The following MTUS2 variants were observed in gnomAD, a reference collection of about 807,000 sequenced individuals.
MTUS2 encodes microtubule-associated tumor suppressor candidate 2.
A neutral mutation model predicts 114.1 loss-of-function variants in MTUS2; 40 were observed. That is an observed-to-expected ratio of 0.35 (90% confidence interval 0.27 to 0.46). MTUS2 has a LOEUF of 0.46. Ranked by LOEUF, MTUS2 falls within the 20% of genes least tolerant of loss-of-function variation. The probability of loss-of-function intolerance (pLI) is 1.00; values close to 1 mark genes in which losing one functional copy is unlikely to be tolerated. For missense variants in MTUS2, 1,679 were observed against 1,705.4 expected, an observed-to-expected ratio of 0.98 and a Z score of 0.27; for synonymous variants, 688 against 672.0, an observed-to-expected ratio of 1.02 and a Z score of -0.37.
intron 1 of MTUS2, among the ~76,000 whole-genome samples, chr13:28,829,277 G>A (rs567563011): frequency 1.3e-5 from 2 of 152,180 alleles, no homozygotes; most frequent in South Asian, 4.1e-4. Context: ...TGTAATCCTA[G>A]CACTTAGAGA....
In MTUS2 at chr13:29,498,433, T is replaced by C. The variant is rs745953947; in HGVS notation, c.3694T>C (p.Tyr1232His). The C allele has an allele frequency of 6.2e-7, 1 of 1,614,164 alleles. No individual in the cohort carries two copies. The highest frequency in any genetic ancestry group is 8.5e-7 in the Non-Finnish European group (1 of 1,180,020). The change falls in exon 14 of 16, where the codon TAT (tyrosine) becomes CAT (histidine). Residue 1232 changes from tyrosine to histidine, a missense_variant. Coordinates refer to ENST00000612955, the MANE Select transcript of MTUS2 (RefSeq NM_001033602.4). The part of the protein sequence containing the change: ...EEQLEIALAP[Y>H]QHLEEDMKSL... ...GCCTCTGTAGATTGCATTGGCTCCT[T>C]ATCAGCACTTGGAAGAAGACATGAA... is the stretch of plus-strand genomic sequence containing the variant.
intron 1 of MTUS2, among the ~76,000 whole-genome samples, chr13:28,831,752 T>TTTTA (rs1195929218): frequency 6.6e-6 from 1 of 151,796 alleles, no homozygotes; most frequent in East Asian, 1.9e-4. Flanking sequence ...TTCCTTCCTT[T>TTTTA]TTTATTTATT....
rs545792343 is a variant in MTUS2 at position 29,367,942 on chromosome 13, C to CTT, written c.3117+8482_3117+8483dup. On this transcript the variant is annotated intron_variant, in intron 8 of 15. Coordinates refer to ENST00000612955, the MANE Select transcript of MTUS2 (RefSeq NM_001033602.4). The stretch of plus-strand genomic sequence containing the variant: ...TTTTTTTTCCTCCTAGAATCTACTT[C>CTT]TTTTTTTTTTTTTTGAGATGGAGTC... 7.7e-3 allele frequency among the ~76,000 whole-genome samples: 1,035 copies of CTT among 134,516 alleles called. 15 individuals carry two copies. Among genetic ancestry groups the CTT allele is most frequent in the African/African-American group, 0.019 (670 of 35,574 alleles). The allele number at this position is 134,516 out of a possible 152,430, so 88.2% of individuals were successfully genotyped here.
chr13:29,286,672 G>GTCTGTCTGTCTGTCTGTCTATCTATCTA (rs577593135), intron 6 of MTUS2, among the ~76,000 whole-genome samples: 12 of 110,920 alleles, frequency 1.1e-4, no homozygotes, highest in African/African-American at 3.5e-4. Context: ...CTGTCTGTCT[G>GTCTGTCTGTCTGTCTGTCTATCTATCTA]TCTATCTATC....
chr13:29,324,280 G>A (rs1002467367), intron 6 of MTUS2, among the ~76,000 whole-genome samples: 1 of 152,162 alleles, frequency 6.6e-6, no homozygotes, highest in African/African-American at 2.4e-5. Context: ...AGACTAAATT[G>A]GTGGCTGAGG....
chr13:29,442,663 CG>C (rs1877978358), intron 9 of MTUS2, among the ~76,000 whole-genome samples: 1 of 152,210 alleles, frequency 6.6e-6, no homozygotes, highest in Non-Finnish European at 1.5e-5. Context: ...GTGTTTCCCT[CG>C]GAAGTATTGA....
At chr13:29,003,291 G>A (rs1261197102) in intron 2 of MTUS2, among the ~76,000 whole-genome samples, 1 of 152,146 alleles carries the variant, frequency 6.6e-6, no homozygotes, top group African/African-American at 2.4e-5. Context: ...TTTACAGATG[G>A]CAGAACTGAG....
intron 2 of MTUS2, among the ~76,000 whole-genome samples, chr13:28,882,721 G>A (rs1878364250): frequency 6.6e-6 from 1 of 151,938 alleles, no homozygotes; most frequent in African/African-American, 2.4e-5. Flanking sequence ...TGGGTGACAG[G>A]GTGAGATCCT....
intron 5 of MTUS2, among the ~76,000 whole-genome samples, chr13:29,247,881 T>G (rs1306541643): frequency 6.6e-6 from 1 of 152,222 alleles, no homozygotes; most frequent in East Asian, 1.9e-4. Context: ...CTGTTTGATC[T>G]AGCAATCCCA....
At chr13:29,241,073 A>G (rs1896713201) in intron 5 of MTUS2, among the ~76,000 whole-genome samples, 1 of 152,198 alleles carries the variant, frequency 6.6e-6, no homozygotes, top group African/African-American at 2.4e-5. Flanking sequence ...CATATATTAC[A>G]TTTAATATGT....
At chr13:29,162,427 G>A (rs1893138442) in intron 5 of MTUS2, among the ~76,000 whole-genome samples, 1 of 152,078 alleles carries the variant, frequency 6.6e-6, no homozygotes, top group African/African-American at 2.4e-5. Flanking sequence ...CCAAGTTCCT[G>A]ATGCTTTGTC....
chr13:29,140,197 G>A (rs1305997478), intron 5 of MTUS2, among the ~76,000 whole-genome samples: 2 of 152,244 alleles, frequency 1.3e-5, no homozygotes, highest in African/African-American at 2.4e-5. Context: ...CTTAAATGAG[G>A]AGAATATCTT....
rs144258551 is a variant in MTUS2 at position 29,389,536 on chromosome 13, C to CATGT, written c.3117+30063_3117+30064insATGT. The stretch of plus-strand genomic sequence containing the variant: ...GTGTGTATGTGTATATATGTATACA[C>CATGT]GTGTGTATATGTATACACGTGTGTA... On this transcript the variant is annotated intron_variant, in intron 8 of 15. Coordinates refer to ENST00000612955, the MANE Select transcript of MTUS2 (RefSeq NM_001033602.4). Among the ~76,000 whole-genome samples the CATGT allele has an allele frequency of 9.0e-5, 7 of 77,680 alleles. 1 individual carries two copies. The highest frequency in any genetic ancestry group is 4.2e-4 in the African/African-American group (6 of 14,436). The allele number at this position is 77,680 out of a possible 152,430, so 51.0% of individuals were successfully genotyped here.
chr13:29,498,381 A>G (rs2139010272), intron 13 of MTUS2, 37 bp from the exon 14 acceptor site: 2 of 1,612,172 alleles, frequency 1.2e-6, no homozygotes, highest in South Asian at 1.1e-5. Context: ...TTTGCCGGGA[A>G]TCCTGGTCAA....
chr13:29,062,578 G>A (rs1365919252), intron 4 of MTUS2, among the ~76,000 whole-genome samples: 4 of 152,096 alleles, frequency 2.6e-5, no homozygotes, highest in Admixed American at 2.6e-4. Context: ...CCTAAGACCT[G>A]GTTTGATATG....
chr13:29,148,028 A>G (rs1366602190), intron 5 of MTUS2, among the ~76,000 whole-genome samples: 2 of 152,200 alleles, frequency 1.3e-5, no homozygotes, highest in Non-Finnish European at 2.9e-5. Flanking sequence ...ACTGCTTTTC[A>G]CAGTGGCTGA....
intron 2 of MTUS2, among the ~76,000 whole-genome samples, chr13:28,994,142 A>C (rs1884982926): frequency 6.6e-6 from 1 of 152,096 alleles, no homozygotes; most frequent in Non-Finnish European, 1.5e-5. Context: ...ATGAGTGAGA[A>C]CATGCAGTGT....
At chr13:29,074,343 G>C (rs1236967140) in intron 4 of MTUS2, among the ~76,000 whole-genome samples, 1 of 152,044 alleles carries the variant, frequency 6.6e-6, no homozygotes, top group African/African-American at 2.4e-5. Context: ...GTGGTGCTAG[G>C]GATCCCCTCT....
At position 29,100,270 on chromosome 13, in the gene MTUS2, C is replaced by T. The variant is rs148867725; in HGVS notation, c.2447-503C>T. On this transcript the variant is annotated intron_variant, in intron 4 of 15. Transcript: ENST00000612955. ...CTGCACTATCTCCTCCTCATTCCTG[C>T]ACCCAACAGAAGGTTAGATGATTCT... 3.5e-3 allele frequency among the ~76,000 whole-genome samples: 537 copies of T among 152,272 alleles called. 3 individuals are homozygous for T. Among genetic ancestry groups the T allele is most frequent in the African/African-American group, 0.012 (506 of 41,550 alleles).
Sources: allele counts gnomAD v4.1 joint callset (sites outside exome capture counted in the v4.1 genomes callset), GRCh38; gene constraint gnomAD v4.1.1; transcripts MANE v1.5; gene names NCBI Gene and HGNC (gene_info 2026-07-23, HGNC 2026-07-21).